PMS1: variants seen among roughly 807,000 people sequenced by gnomAD.
PMS1 encodes PMS1 protein homolog 1.
Under a neutral mutation model 93.1 loss-of-function variants are expected in PMS1, and 79 were observed. The ratio of observed to expected loss-of-function variants is 0.85; its 90% CI spans 0.71 to 1.02. The LOEUF is 1.02. Ranked by LOEUF, PMS1 falls within the 50% of genes least tolerant of loss-of-function variation. The pLI is 0.00. For synonymous variants in PMS1, 335 were observed against 363.4 expected, an observed-to-expected ratio of 0.92 and a Z score of 0.89; for missense variants, 1,064 against 1,085.3, an observed-to-expected ratio of 0.98 and a Z score of 0.28.
rs1047632838 is a variant in PMS1 at position 189,869,844 on chromosome 2, T to C, written c.2473+1915T>C. Among the ~76,000 whole-genome samples, 30 of 151,722 alleles carry C rather than the reference T, an allele frequency of 2.0e-4. 1 individual carries two copies. The highest frequency in any genetic ancestry group is 6.8e-4 in the African/African-American group (28 of 41,312). On this transcript the variant is annotated intron_variant, in intron 11 of 12. Coordinates refer to ENST00000441310, the MANE Select transcript of PMS1 (RefSeq NM_000534.5). The stretch of plus-strand genomic sequence containing the variant: ...AAAAAAAAAAAAAAAGATGTTAAAC[T>C]GCAGGTTGTTGTTGTTTTAAGGATA...
chr2:189,877,104 C>T lies in PMS1; in HGVS notation c.2635-168C>T, dbSNP rs189650946. Among the ~76,000 whole-genome samples, 271 of 152,176 alleles carry T rather than the reference C, an allele frequency of 1.8e-3. 2 individuals carry two copies. Among genetic ancestry groups the T allele is most frequent in the Non-Finnish European group, 2.5e-3 (170 of 67,984 alleles). ...CAAGAGCAAGTCTTGTTTTTTGGTT[C>T]ACCACTACATCCCGAGAGCTGACAA... On this transcript the variant is annotated intron_variant, in intron 12 of 12. Transcript: ENST00000441310.
intron 9 of PMS1, 22 bp downstream of exon 9, chr2:189,855,150 G>A (rs1291250826): frequency 2.5e-6 from 4 of 1,598,632 alleles, no homozygotes; most frequent in Non-Finnish European, 2.6e-6. Context: ...GAGCTTGCAT[G>A]TGACTTGAAT....
At chr2:189,872,490 C>T (rs5743176) in intron 11 of PMS1, among the ~76,000 whole-genome samples, 4,939 of 152,138 alleles carry the variant, frequency 0.032, 267 homozygotes, top group African/African-American at 0.11. Flanking sequence ...ACTGTTACAC[C>T]GATACAGCCA....
chr2:189,817,917 C>T, intron 4 of PMS1, 100 bp from the exon 5 acceptor site: 2 of 883,238 alleles, frequency 2.3e-6, no homozygotes, highest in Non-Finnish European at 3.7e-6. Context: ...AGGAGGAGAC[C>T]TTCAGTTATA....
intron 1 of PMS1, 56 bp from the exon 2 acceptor site, chr2:189,791,734 G>C: frequency 8.2e-7 from 1 of 1,226,828 alleles, no homozygotes; most frequent in South Asian, 1.2e-5. Flanking sequence ...ATTGCCATTT[G>C]TCCTGTTGGT....
intron 1 of PMS1, among the ~76,000 whole-genome samples, chr2:189,788,714 C>G (rs2048587244): frequency 6.6e-6 from 1 of 151,992 alleles, no homozygotes; most frequent in Admixed American, 6.6e-5. Context: ...ATCATTTCAT[C>G]CTATAATCAA....
chr2:189,837,867 T>A (rs1027111252), intron 5 of PMS1, among the ~76,000 whole-genome samples: 1 of 152,222 alleles, frequency 6.6e-6, no homozygotes, highest in African/African-American at 2.4e-5. Context: ...AGGAATGAAG[T>A]ACTGATATAA....
intron 4 of PMS1, among the ~76,000 whole-genome samples, chr2:189,813,197 T>A (rs983499857): frequency 1.3e-5 from 2 of 152,176 alleles, no homozygotes; most frequent in Non-Finnish European, 2.9e-5. Context: ...GAGGGAAGAA[T>A]CAATTCTTTC....
rs536800508 is a variant in PMS1, at chr2:189,807,235, A to G, written c.418+1481A>G. On this transcript the variant is annotated intron_variant, in intron 4 of 12. Coordinates refer to ENST00000441310, the MANE Select transcript of PMS1 (RefSeq NM_000534.5). The stretch of plus-strand genomic sequence containing the variant: ...GAGAGAGTTAATAGAAACTCCTAAG[A>G]CAATGCACATTTTTTCCTCATTTAT... 7.2e-5 allele frequency among the ~76,000 whole-genome samples: 11 copies of G among 152,274 alleles called. No individual in the cohort carries two copies. In the East Asian group the frequency reaches 2.1e-3, roughly 29 times the overall value.
rs529288790 is a variant in PMS1 at position 189,839,152 on chromosome 2, T to G, written c.583-4812T>G. Among the ~76,000 whole-genome samples the G allele has an allele frequency of 1.4e-4, 21 of 152,172 alleles. No homozygotes were observed. The South Asian group carries it at 4.4e-3, about 32-fold the overall frequency. The stretch of plus-strand genomic sequence containing the variant: ...GATTATGGGTGCCCGCCACCATGCC[T>G]GGATAATTTTTTTGTTTTTAGTAGA... On this transcript the variant is annotated intron_variant, in intron 5 of 12. Transcript: ENST00000441310.
At chr2:189,858,540 C>T (rs1162879162) in intron 9 of PMS1, among the ~76,000 whole-genome samples, 1 of 152,048 alleles carries the variant, frequency 6.6e-6, no homozygotes, top group Non-Finnish European at 1.5e-5. Context: ...TTGGACATAA[C>T]TTTTTATATT....
chr2:189,844,013 T>C lies in PMS1; in HGVS notation c.632T>C (p.Met211Thr), dbSNP rs781151298. The change falls in exon 6 of 13, where the codon ATG becomes ACG. Residue 211 changes from methionine to threonine, a missense_variant. By Grantham distance (81) the Met-to-Thr change is moderately conservative (BLOSUM62 -1). Transcript: ENST00000441310. ...GTATCAGATCACAAGATGGCTCTCA[T>C]GTCAGTTCTGGGGACTGCTGTTATG... ...SRVSDHKMAL[M>T]SVLGTAVMNN... 6 of 1,614,046 alleles carry C rather than the reference T, an allele frequency of 3.7e-6. No individual in the cohort carries two copies. Among genetic ancestry groups the C allele is most frequent in the Non-Finnish European group, 5.1e-6 (6 of 1,179,970 alleles).
rs1159190007 is a variant in PMS1, at chr2:189,832,079, TTGCCTGAA to T, written c.583-11884_583-11877del. ...ATAAAGAACCATATTGTTGAGATGT[TTGCCTGAA>T]CAAAATAGGTTGTATGGGAAGGGAA... is the stretch of plus-strand genomic sequence containing the variant. On this transcript the variant is annotated intron_variant, in intron 5 of 12. Transcript: ENST00000441310. Among the ~76,000 whole-genome samples the T allele has an allele frequency of 5.3e-5, 8 of 152,262 alleles. 1 individual carries two copies. The East Asian group carries it at 1.5e-3, about 29-fold the overall frequency.
chr2:189,794,934 AAAAAAT>A (rs1416810611), intron 2 of PMS1, among the ~76,000 whole-genome samples: 3 of 152,170 alleles, frequency 2.0e-5, no homozygotes, highest in South Asian at 4.2e-4. Context: ...CCACCTGTAC[AAAAAAT>A]AAAAATAAAA....
chr2:189,805,192 G>A (rs1044845848), intron 3 of PMS1, among the ~76,000 whole-genome samples: 1 of 151,250 alleles, frequency 6.6e-6, no homozygotes, highest in South Asian at 2.1e-4. Flanking sequence ...ATTTTTTTTG[G>A]ACCATAATCT....
chr2:189,856,382 G>A (rs1319107025), intron 9 of PMS1, among the ~76,000 whole-genome samples: 1 of 151,906 alleles, frequency 6.6e-6, no homozygotes, highest in Non-Finnish European at 1.5e-5. Flanking sequence ...GTATCTCTAA[G>A]AGATAAAGAT....
chr2:189,811,607 A>T (rs1254694423), intron 4 of PMS1, among the ~76,000 whole-genome samples: 3 of 152,166 alleles, frequency 2.0e-5, no homozygotes, highest in Admixed American at 2.0e-4. Context: ...ACAACAAAAA[A>T]AACTAATAAC....
intron 4 of PMS1, among the ~76,000 whole-genome samples, chr2:189,817,345 ATTC>A (rs1009233063): frequency 3.3e-5 from 5 of 152,222 alleles, no homozygotes; most frequent in African/African-American, 7.2e-5. Flanking sequence ...TAAATGTTTC[ATTC>A]TTCAGTGTTT....
At chr2:189,859,782 T>G (rs999004787) in intron 9 of PMS1, among the ~76,000 whole-genome samples, 7 of 152,126 alleles carry the variant, frequency 4.6e-5, no homozygotes, top group Non-Finnish European at 1.0e-4. Context: ...TGTGTTTAAT[T>G]TATCCAAATT....
Sources: gnomAD v4.1 joint callset for allele counts (sites outside exome capture counted in the v4.1 genomes callset) on GRCh38, gnomAD v4.1.1 for gene constraint, MANE v1.5 for transcripts, NCBI Gene and HGNC (gene_info 2026-07-23, HGNC 2026-07-21) for gene names.